CNTN4: variants seen among roughly 807,000 people sequenced by gnomAD.
CNTN4 encodes the protein contactin-4.
In CNTN4, 77 loss-of-function variants were observed where a neutral mutation model predicts 122.5. The ratio of observed to expected loss-of-function variants is 0.63; its 90% CI spans 0.52 to 0.76. CNTN4 has a LOEUF of 0.76. Among genes scored for constraint, CNTN4 ranks in the 30% least tolerant of loss-of-function variants. The probability of loss-of-function intolerance (pLI) is 0.00; values close to 1 mark genes in which losing one functional copy is unlikely to be tolerated. For missense variants in CNTN4, 1,256 were observed against 1,259.1 expected, an observed-to-expected ratio of 1.00 and a Z score of 0.04; for synonymous variants, 512 against 447.0, an observed-to-expected ratio of 1.15 and a Z score of -1.83.
At chr3:2,595,507 AGTGTGGCTCT>A (rs935323728) in intron 4 of CNTN4, among the ~76,000 whole-genome samples, 1 of 152,160 alleles carries the variant, frequency 6.6e-6, no homozygotes, top group African/African-American at 2.4e-5. Context: ...TTGATCCTGC[AGTGTGGCTCT>A]GTGTTCCTAG....
chr3:2,105,993 T>C (rs903950994), intron 2 of CNTN4, among the ~76,000 whole-genome samples: 2 of 152,252 alleles, frequency 1.3e-5, no homozygotes, highest in Admixed American at 6.5e-5. Flanking sequence ...ACAGGCCCCA[T>C]GCCAGTCTGA....
chr3:2,608,036 A>C (rs1180433916), intron 4 of CNTN4, among the ~76,000 whole-genome samples: 2 of 152,132 alleles, frequency 1.3e-5, no homozygotes, highest in African/African-American at 4.8e-5. Flanking sequence ...CGTGATGCTT[A>C]ATTTAGACGT....
chr3:2,670,241 G>A (rs1031242102), intron 4 of CNTN4, among the ~76,000 whole-genome samples: 1 of 152,112 alleles, frequency 6.6e-6, no homozygotes, highest in African/African-American at 2.4e-5. Flanking sequence ...CCCTTTGTAG[G>A]TCTCTAAGGA....
intron 6 of CNTN4, among the ~76,000 whole-genome samples, chr3:2,758,054 T>TG (rs1446091034): frequency 6.6e-6 from 1 of 152,200 alleles, no homozygotes; most frequent in Non-Finnish European, 1.5e-5. Flanking sequence ...CAGTCTAGTG[T>TG]GGTAGGTAAT....
At chr3:2,692,040 C>G (rs2085767894) in intron 4 of CNTN4, among the ~76,000 whole-genome samples, 1 of 152,132 alleles carries the variant, frequency 6.6e-6, no homozygotes. Context: ...TGTTAGGCAG[C>G]AGTATGCAAT....
At chr3:2,583,422 T>A (rs1022492652) in intron 4 of CNTN4, among the ~76,000 whole-genome samples, 1 of 152,256 alleles carries the variant, frequency 6.6e-6, no homozygotes, top group African/African-American at 2.4e-5. Context: ...TTGATTTACT[T>A]GAATCAAAAT....
At chr3:2,365,723 A>G (rs2045351618) in intron 3 of CNTN4, among the ~76,000 whole-genome samples, 1 of 152,188 alleles carries the variant, frequency 6.6e-6, no homozygotes, top group Non-Finnish European at 1.5e-5. Flanking sequence ...TTGAGTTTAA[A>G]TAAAAAAATA....
At chr3:2,531,762 A>T (rs1351839196) in intron 3 of CNTN4, among the ~76,000 whole-genome samples, 1 of 152,156 alleles carries the variant, frequency 6.6e-6, no homozygotes, top group East Asian at 1.9e-4. Context: ...CCCCCATATT[A>T]ATGGTGATGA....
chr3:2,161,967 C>T (rs2035983046), intron 2 of CNTN4, among the ~76,000 whole-genome samples: 1 of 152,168 alleles, frequency 6.6e-6, no homozygotes, highest in African/African-American at 2.4e-5. Flanking sequence ...AGAATGTTTG[C>T]ATCCCCAAAT....
At chr3:2,898,351 C>A (rs929334716) in intron 10 of CNTN4, among the ~76,000 whole-genome samples, 21 of 152,126 alleles carry the variant, frequency 1.4e-4, no homozygotes, top group African/African-American at 5.1e-4. Flanking sequence ...AGGTGATCTC[C>A]CACAGACACT....
At chr3:2,291,166 T>C (rs2042118821) in intron 2 of CNTN4, among the ~76,000 whole-genome samples, 1 of 152,194 alleles carries the variant, frequency 6.6e-6, no homozygotes, top group Non-Finnish European at 1.5e-5. Context: ...CTTGGATTTA[T>C]GTAAATTTTT....
chr3:2,125,894 G>GGTGTGT (rs61706367), intron 2 of CNTN4, among the ~76,000 whole-genome samples: 24,432 of 143,258 alleles, frequency 0.17, 2,276 homozygotes, highest in Admixed American at 0.26. Flanking sequence ...TTTTATTTCT[G>GGTGTGT]GTGTGTGTGT....
intron 3 of CNTN4, among the ~76,000 whole-genome samples, chr3:2,406,330 G>C (rs1271856989): frequency 6.6e-6 from 1 of 152,148 alleles, no homozygotes; most frequent in Non-Finnish European, 1.5e-5. Flanking sequence ...GTGGTTTCTT[G>C]TGAAAAATAT....
intron 4 of CNTN4, among the ~76,000 whole-genome samples, chr3:2,713,521 C>A (rs1449015881): frequency 6.6e-6 from 1 of 152,222 alleles, no homozygotes; most frequent in East Asian, 1.9e-4. Flanking sequence ...TCTCTACCTT[C>A]ATTCCTTTCC....
chr3:2,699,120 T>A (rs2086212128), intron 4 of CNTN4, among the ~76,000 whole-genome samples: 1 of 152,182 alleles, frequency 6.6e-6, no homozygotes, highest in South Asian at 2.1e-4. Context: ...TTGGAAGAAT[T>A]TGATGATGAT....
intron 2 of CNTN4, among the ~76,000 whole-genome samples, chr3:2,241,907 C>T (rs1397946384): frequency 6.7e-6 from 1 of 150,280 alleles, no homozygotes; most frequent in Non-Finnish European, 1.5e-5. Flanking sequence ...TTCAAAGGAT[C>T]TCACTTATCT....
At chr3:2,581,726 A>G (rs777219766) in intron 4 of CNTN4, among the ~76,000 whole-genome samples, 1 of 152,220 alleles carries the variant, frequency 6.6e-6, no homozygotes, top group Non-Finnish European at 1.5e-5. Context: ...ATTATTCATA[A>G]TAGCCAAAAA....
At chr3:2,418,332 A>G in intron 3 of CNTN4, among the ~76,000 whole-genome samples, 1 of 144,582 alleles carries the variant, frequency 6.9e-6, no homozygotes, top group East Asian at 1.9e-4. Context: ...AAAAATCACC[A>G]CAGAGGCAAA....
Position 2,556,905 on chromosome 3 carries a change from G to C in CNTN4, c.-88-14511G>C, listed in dbSNP as rs539355419. On this transcript the variant is annotated intron_variant, in intron 3 of 24. Coordinates refer to ENST00000418658, the MANE Select transcript of CNTN4 (RefSeq NM_175607.3). The stretch of plus-strand genomic sequence containing the variant: ...ATGGAACAAAGTTTTTTCTAAACTT[G>C]AAAATGCTGTCTTGAAATTTGCAGC... Among the ~76,000 whole-genome samples the C allele has an allele frequency of 1.1e-3, 169 of 152,210 alleles. 1 individual carries two copies. Among genetic ancestry groups the C allele is most frequent in the African/African-American group, 3.9e-3 (161 of 41,550 alleles).
Sources: allele counts gnomAD v4.1 joint callset (sites outside exome capture counted in the v4.1 genomes callset), GRCh38; gene constraint gnomAD v4.1.1; transcripts MANE v1.5; gene names NCBI Gene and HGNC (gene_info 2026-07-23, HGNC 2026-07-21).